SZT2: variants seen among roughly 807,000 people sequenced by gnomAD.
SZT2 encodes SZT2 subunit of KICSTOR complex.
Under a neutral mutation model 404.2 loss-of-function variants are expected in SZT2, and 216 were observed. That is an observed-to-expected ratio of 0.53 (90% CI 0.48 to 0.60). SZT2 has a LOEUF of 0.60. SZT2 is among the 20% of genes least tolerant of loss of function. SZT2 has a pLI of 0.00. For missense variants in SZT2, 3,857 were observed against 4,459.2 expected, an observed-to-expected ratio of 0.86 and a Z score of 3.85; for synonymous variants, 1,693 against 1,749.9, an observed-to-expected ratio of 0.97 and a Z score of 0.81.
rs138571741 is a variant in SZT2, at chr1:43,450,878, C to T, written c.*398C>T. The T allele has an allele frequency of 7.9e-4, 578 of 727,106 alleles. No individual in the cohort carries two copies. The highest frequency in any genetic ancestry group is 1.3e-3 in the Non-Finnish European group (529 of 394,070). The allele number at this position is 727,106 out of a possible 1,614,324, so 45.0% of individuals were successfully genotyped here. On this transcript the variant is annotated 3_prime_UTR_variant, in exon 72 of 72. Coordinates refer to ENST00000634258, the MANE Select transcript of SZT2 (RefSeq NM_001365999.1). The surrounding 1 kb of genome is among the most constrained non-coding windows in gnomAD (Gnocchi z 4.3). The stretch of plus-strand genomic sequence containing the variant: ...CAGCCACCTGTGTCCCTTGAGCCTT[C>T]GGGTCTTCACTTCCCACTTGGACAT...
Position 43,426,327 on chromosome 1 carries a change from G to A in SZT2, c.3044-41G>A. 1 of 1,514,644 alleles carries A rather than the reference G, an allele frequency of 6.6e-7. No homozygotes were observed. The highest frequency in any genetic ancestry group is 2.0e-5 in the Admixed American group (1 of 50,146). The allele number at this position is 1,514,644 out of a possible 1,614,324, so 93.8% of individuals were successfully genotyped here. A position where few individuals can be genotyped will look rare whatever the true frequency, so the allele number is the denominator to read the frequency against. Reference sequence around the variant, plus strand: ...AGGGCTGAGCCGGGGGCACCGGGCAGCAGGAGGCTCTTGGTGCTGAGCAGA... The same window carrying A: ...AGGGCTGAGCCGGGGGCACCGGGCAACAGGAGGCTCTTGGTGCTGAGCAGA... On this transcript the variant is annotated intron_variant, in intron 21 of 71. Transcript: ENST00000634258. The surrounding 1 kb of genome is among the most constrained non-coding windows in gnomAD (Gnocchi z 4.9).
intron 3 of SZT2, 88 bp from the exon 4 acceptor site, chr1:43,404,289 AGTG>A: frequency 9.3e-7 from 1 of 1,072,938 alleles, no homozygotes. Flanking sequence ...CCATAAGTTA[AGTG>A]TCCTACTGAC....
intron 65 of SZT2, chr1:43,446,649 C>T: frequency 1.6e-6 from 1 of 634,916 alleles, no homozygotes; most frequent in Non-Finnish European, 2.7e-6. Flanking sequence ...CCTGAGGCAG[C>T]ACAGTGCCTG....
Position 43,419,863 on chromosome 1 carries a change from G to A in SZT2, c.1009G>A (p.Gly337Ser), listed in dbSNP as rs1249873285. 8 of 1,598,410 alleles carry A rather than the reference G, an allele frequency of 5.0e-6. No individual in the cohort carries two copies. The highest frequency in any genetic ancestry group is 6.8e-6 in the Non-Finnish European group (8 of 1,179,802). The change falls in exon 8 of 72, where the codon GGT becomes AGT. Residue 337 changes from glycine to serine, a missense_variant. Physicochemically the swap from Gly to Ser is moderately conservative, Grantham distance 56. Coordinates refer to ENST00000634258, the MANE Select transcript of SZT2 (RefSeq NM_001365999.1). ...TCPEPEPGNLGLTVYHRAFLL... is the reference protein window; with the variant it reads ...TCPEPEPGNLSLTVYHRAFLL... ...TCCTGAGCCGGAGCCAGGCAACCTG[G>A]GTCTGACTGTCTACCACCGGGCATT...
chr1:43,453,426 C>T lies in SZT2; in HGVS notation c.*2946C>T. On this transcript the variant is annotated 3_prime_UTR_variant, in exon 72 of 72. Coordinates refer to ENST00000634258, the MANE Select transcript of SZT2 (RefSeq NM_001365999.1). Reference sequence around the variant, plus strand: ...GCTTTGGCATACCGCACGGCCTGCTCCAGTCCCTCTCGGAAGGCCGCCTGT... The same window carrying T: ...GCTTTGGCATACCGCACGGCCTGCTTCAGTCCCTCTCGGAAGGCCGCCTGT... The T allele has an allele frequency of 6.4e-7, 1 of 1,561,902 alleles. No homozygotes were observed.
At chr1:43,416,230 C>T in intron 6 of SZT2, 129 bp downstream of exon 6, 5 of 1,259,294 alleles carry the variant, frequency 4.0e-6, no homozygotes, top group Non-Finnish European at 5.4e-6. Flanking sequence ...TCCTTGTTTG[C>T]AAAATGTAAG....
intron 40 of SZT2, 128 bp downstream of exon 40, chr1:43,433,318 G>A (rs939251540): frequency 2.0e-5 from 18 of 921,340 alleles, no homozygotes; most frequent in Non-Finnish European, 2.8e-5. Context: ...GATCCAACTT[G>A]TATTCTTAGG....
intron 1 of SZT2, 35 bp from the exon 2 acceptor site, chr1:43,403,142 T>A: frequency 6.2e-7 from 1 of 1,610,534 alleles, no homozygotes; most frequent in Non-Finnish European, 8.5e-7. Flanking sequence ...TCGGTGCCAT[T>A]TTTTAAAGAT....
chr1:43,450,750 T>C lies in SZT2; in HGVS notation c.*270T>C, dbSNP rs1656294819. 2.9e-6 allele frequency: 2 copies of C among 697,126 alleles called. No homozygotes were observed. The highest frequency in any genetic ancestry group is 5.2e-6 in the Non-Finnish European group (2 of 382,592). The allele number at this position is 697,126 out of a possible 1,614,324, so 43.2% of individuals were successfully genotyped here. A position where few individuals can be genotyped will look rare whatever the true frequency, so the allele number is the denominator to read the frequency against. On this transcript the variant is annotated 3_prime_UTR_variant, in exon 72 of 72. Coordinates refer to ENST00000634258, the MANE Select transcript of SZT2 (RefSeq NM_001365999.1). This position sits in a 1 kb window ranked among gnomAD's most constrained non-coding sequence, Gnocchi z 4.3. ...GACCCCTTGGGCCCTTCTGGGGTAC[T>C]CCTTTCGGCCCCCCTGGTAGAGTCT...
chr1:43,415,327 A>G, intron 5 of SZT2, 114 bp downstream of exon 5: 2 of 1,328,072 alleles, frequency 1.5e-6, no homozygotes, highest in Admixed American at 4.4e-5. Context: ...AGCTGGGGCA[A>G]AATGAGACAA....
chr1:43,432,218 A>T (rs1297608188), intron 36 of SZT2, 54 bp from the exon 37 acceptor site: 1 of 1,498,482 alleles, frequency 6.7e-7, no homozygotes, highest in Admixed American at 2.3e-5. Context: ...GTAGCTCACC[A>T]TGTGTAGGGA....
At position 43,429,779 on chromosome 1, in the gene SZT2, A is replaced by G; in HGVS notation, c.4243A>G (p.Ile1415Val). 2 of 1,614,166 alleles carry G rather than the reference A, an allele frequency of 1.2e-6. No homozygotes were observed. The highest frequency in any genetic ancestry group is 8.5e-7 in the Non-Finnish European group (1 of 1,180,024). Reference sequence around the variant, plus strand: ...TGGCATTCCAGACCCTGGGCCAGAGATCTCTCTGACAGATGTCTGCCAGCT... The same window carrying G: ...TGGCATTCCAGACCCTGGGCCAGAGGTCTCTCTGACAGATGTCTGCCAGCT... ...VPGIPDPGPE[I>V]SLTDVCQLRG... Residue 1415 changes from isoleucine (I) to valine (V), a missense_variant, in exon 29 of 72, where the codon ATC (isoleucine) becomes GTC (valine). Physicochemically the swap from Ile to Val is conservative, Grantham distance 29. Around this residue, in one of 7 missense-constraint regions of SZT2, gnomAD observed 1,725 missense variants for 1,881.0 expected, o/e 0.92. Coordinates refer to ENST00000634258, the MANE Select transcript of SZT2 (RefSeq NM_001365999.1).
intron 1 of SZT2, among the ~76,000 whole-genome samples, chr1:43,395,045 C>T (rs1007647561): frequency 6.6e-6 from 1 of 152,072 alleles, no homozygotes; most frequent in Non-Finnish European, 1.5e-5. Flanking sequence ...TTCATTGTGC[C>T]TTTGGAGAGT....
Position 43,425,113 on chromosome 1 carries a change from A to G in SZT2, c.2551A>G (p.Asn851Asp). 1 of 1,614,140 alleles carries G rather than the reference A, an allele frequency of 6.2e-7. No homozygotes were observed. Among genetic ancestry groups the G allele is most frequent in the Non-Finnish European group, 8.5e-7 (1 of 1,179,992 alleles). ...CCAAGATCTCCCATTTTGCCCACAG[A>G]ATGAACCACCAGGGCAGGCTGCAGC... is the stretch of plus-strand genomic sequence containing the variant. The part of the protein sequence containing the change: ...INMVLELPIQ[N>D]EPPGQAAAEE... Residue 851 changes from asparagine (N) to aspartate (D), a missense_variant and splice_region_variant, in exon 18 of 72, where the codon AAT becomes GAT. By Grantham distance (23) the Asn-to-Asp change is conservative. Coordinates refer to ENST00000634258, the MANE Select transcript of SZT2 (RefSeq NM_001365999.1). This position sits in a 1 kb window ranked among gnomAD's most constrained non-coding sequence, Gnocchi z 4.3.
At position 43,450,028 on chromosome 1, in the gene SZT2, C is replaced by A; in HGVS notation, c.10087-75C>A. 1 of 1,575,512 alleles carries A rather than the reference C, an allele frequency of 6.3e-7. No individual in the cohort carries two copies. The highest frequency in any genetic ancestry group is 8.7e-7 in the Non-Finnish European group (1 of 1,145,308). ...GTGGAGATGGAAGTAGGCCTCTCCTCATCCTCCCTTCACCTCAGGATGCCC... is the reference window on the plus strand; with the variant it reads ...GTGGAGATGGAAGTAGGCCTCTCCTAATCCTCCCTTCACCTCAGGATGCCC... On this transcript the variant is annotated intron_variant, in intron 70 of 71. Coordinates refer to ENST00000634258, the MANE Select transcript of SZT2 (RefSeq NM_001365999.1). This position sits in a 1 kb window ranked among gnomAD's most constrained non-coding sequence, Gnocchi z 4.3.
Position 43,426,720 on chromosome 1 carries a change from G to A in SZT2, c.3220G>A (p.Glu1074Lys), listed in dbSNP as rs753361307. The A allele has an allele frequency of 1.1e-5, 17 of 1,610,284 alleles. No individual in the cohort carries two copies. The highest frequency in any genetic ancestry group is 1.3e-5 in the African/African-American group (1 of 74,828). The change falls in exon 23 of 72, where the codon GAG (glutamate) becomes AAG (lysine). Residue 1074 changes from glutamate to lysine, a missense_variant. By Grantham distance (56) the Glu-to-Lys change is moderately conservative. Transcript: ENST00000634258. The surrounding 1 kb of genome is among the most constrained non-coding windows in gnomAD (Gnocchi z 4.9). ...CATCTCTACCCCCATTGTAGGTGCC[G>A]AGGGGCCACTGCTGGGGGTTCATGG... ...LRRTCHVPGAEGPLLGVHGIP... is the reference protein window; with the variant it reads ...LRRTCHVPGAKGPLLGVHGIP...
At position 43,425,764 on chromosome 1, in the gene SZT2, T is replaced by C. The variant is rs1312947700; in HGVS notation, c.2815-71T>C. ...AATGGCTGGGACTGTTGAAGCTTCC[T>C]GAAGAGCTGGAACCCAGGGTATCCT... On this transcript the variant is annotated intron_variant, in intron 19 of 71. Coordinates refer to ENST00000634258, the MANE Select transcript of SZT2 (RefSeq NM_001365999.1). The surrounding 1 kb of genome is among the most constrained non-coding windows in gnomAD (Gnocchi z 4.3). The C allele has an allele frequency of 2.5e-6, 4 of 1,594,236 alleles. No individual in the cohort carries two copies. The African/African-American group carries it at 4.0e-5, about 16-fold the overall frequency.
At chr1:43,395,845 G>T (rs1648931044) in intron 1 of SZT2, among the ~76,000 whole-genome samples, 1 of 152,192 alleles carries the variant, frequency 6.6e-6, no homozygotes, top group Non-Finnish European at 1.5e-5. Flanking sequence ...CCTTGCCTTT[G>T]TTCTTTTTGG....
At chr1:43,449,934 A>T in intron 70 of SZT2, 169 bp from the exon 71 acceptor site, 1 of 741,400 alleles carries the variant, frequency 1.3e-6, no homozygotes, top group Non-Finnish European at 2.3e-6. Context: ...CAAGCCAGCG[A>T]GGATGAGGAC....
Sources: allele counts gnomAD v4.1 joint callset (sites outside exome capture counted in the v4.1 genomes callset), GRCh38; gene constraint gnomAD v4.1.1; regional missense constraint gnomAD v4.1.1; non-coding constraint Gnocchi (gnomAD v3.1); transcripts MANE v1.5; gene names NCBI Gene and HGNC (gene_info 2026-07-23, HGNC 2026-07-21).